Variants in GRM5 observed in about 807,000 individuals in gnomAD.
GRM5 encodes metabotropic glutamate receptor 5.
In GRM5, 19 loss-of-function variants were observed where a neutral mutation model predicts 83.1. That is an observed-to-expected ratio of 0.23 (90% CI 0.16 to 0.34). The LOEUF (loss-of-function observed/expected upper bound fraction) is 0.34, where lower values mean the gene tolerates loss of function less well. Among genes scored for constraint, GRM5 ranks in the 10% least tolerant of loss-of-function variants. GRM5 has a pLI of 1.00. For missense variants in GRM5, 1,160 were observed against 1,588.3 expected (o/e 0.73, Z 4.58); for synonymous variants, 675 against 633.6 (o/e 1.07, Z -0.98).
At chr11:88,816,393 G>C (rs1943682603) in intron 3 of GRM5, among the ~76,000 whole-genome samples, 1 of 151,014 alleles carries the variant, frequency 6.6e-6, no homozygotes, top group South Asian at 2.1e-4. Context: ...ACAAAAATTA[G>C]CCAGACATGG....
At chr11:89,027,157 G>T (rs544182227) in intron 2 of GRM5, among the ~76,000 whole-genome samples, 2 of 151,398 alleles carry the variant, frequency 1.3e-5, no homozygotes, top group African/African-American at 4.9e-5. Flanking sequence ...GTGCAGTGGC[G>T]CAATCTCGGC....
chr11:88,914,357 C>A (rs1508673), intron 2 of GRM5, among the ~76,000 whole-genome samples: 16,177 of 152,158 alleles, frequency 0.11, 1,364 homozygotes, highest in African/African-American at 0.21. Context: ...TAGTAGTGAC[C>A]AATCACATCA....
intron 2 of GRM5, among the ~76,000 whole-genome samples, chr11:88,944,448 G>T (rs1326302723): frequency 6.6e-6 from 1 of 151,796 alleles, no homozygotes; most frequent in East Asian, 1.9e-4. Context: ...ATAGTAAAAT[G>T]ATTACTATAG....
chr11:88,970,102 T>A (rs1227490742), intron 2 of GRM5, among the ~76,000 whole-genome samples: 1 of 152,168 alleles, frequency 6.6e-6, no homozygotes, highest in Non-Finnish European at 1.5e-5. Flanking sequence ...TATAATATAC[T>A]ATGCATAACT....
intron 3 of GRM5, among the ~76,000 whole-genome samples, chr11:88,807,619 G>C (rs1363378764): frequency 6.6e-6 from 1 of 152,062 alleles, no homozygotes; most frequent in Non-Finnish European, 1.5e-5. Context: ...ATCTTTTTGA[G>C]AAACCTTCTA....
chr11:88,754,733 A>G (rs756828080), intron 3 of GRM5, among the ~76,000 whole-genome samples: 6 of 152,056 alleles, frequency 3.9e-5, no homozygotes, highest in Non-Finnish European at 7.4e-5. Context: ...CATATTAACT[A>G]TCATCATCAT....
chr11:88,556,300 C>G (rs553297632), intron 8 of GRM5, among the ~76,000 whole-genome samples: 3 of 150,752 alleles, frequency 2.0e-5, no homozygotes, highest in East Asian at 3.9e-4. Context: ...TGGATATGAA[C>G]TGTGGGACAC....
intron 2 of GRM5, among the ~76,000 whole-genome samples, chr11:88,938,127 G>A (rs1937961884): frequency 6.6e-6 from 1 of 151,626 alleles, no homozygotes; most frequent in South Asian, 2.1e-4. Flanking sequence ...TTCACAATGT[G>A]TACATATATC....
At chr11:89,039,445 C>T (rs931928926) in intron 2 of GRM5, among the ~76,000 whole-genome samples, 2 of 151,996 alleles carry the variant, frequency 1.3e-5, no homozygotes, top group African/African-American at 4.8e-5. Context: ...AAGTGATTGT[C>T]CATTGCAGGT....
At chr11:88,716,341 G>C (rs1293363431) in intron 3 of GRM5, among the ~76,000 whole-genome samples, 1 of 151,882 alleles carries the variant, frequency 6.6e-6, no homozygotes, top group East Asian at 1.9e-4. Context: ...GTGAATTTTT[G>C]CTTAAGCGAT....
intron 2 of GRM5, among the ~76,000 whole-genome samples, chr11:88,903,383 A>C (rs1945348964): frequency 6.6e-6 from 1 of 152,224 alleles, no homozygotes; most frequent in Admixed American, 6.5e-5. Flanking sequence ...TGATTCAGCA[A>C]TCCCACTACT....
rs187185410 is a variant in GRM5 at position 88,790,979 on chromosome 11, A to G, written c.911+58927T>C. On this transcript the variant is annotated intron_variant, in intron 3 of 9. Coordinates refer to ENST00000305447, the MANE Select transcript of GRM5 (RefSeq NM_001143831.3). ...TCACTGGCAGCAATGTGGAAGATGA[A>G]TTGCAAGCACAGGAGAGGAAATGGA... Among the ~76,000 whole-genome samples the G allele has an allele frequency of 1.3e-4, 20 of 152,350 alleles. No individual in the cohort carries two copies. The East Asian group carries it at 3.5e-3, about 26-fold the overall frequency.
intron 3 of GRM5, among the ~76,000 whole-genome samples, chr11:88,680,355 A>G (rs1253466827): frequency 1.3e-5 from 2 of 151,980 alleles, no homozygotes; most frequent in African/African-American, 4.8e-5. Flanking sequence ...TGTCCTTGCA[A>G]TAGTTTGCTG....
intron 8 of GRM5, among the ~76,000 whole-genome samples, chr11:88,541,400 A>C (rs1241071142): frequency 3.3e-5 from 5 of 152,236 alleles, no homozygotes; most frequent in African/African-American, 1.2e-4. Flanking sequence ...AAGTAGTATC[A>C]TCTGTATACA....
intron 3 of GRM5, among the ~76,000 whole-genome samples, chr11:88,685,058 C>T (rs1391924491): frequency 2.0e-5 from 3 of 152,106 alleles, no homozygotes; most frequent in Non-Finnish European, 4.4e-5. Flanking sequence ...AAAGTTCGAA[C>T]AGTTTGGAGG....
chr11:88,992,895 G>A (rs1940032188), intron 2 of GRM5, among the ~76,000 whole-genome samples: 2 of 151,498 alleles, frequency 1.3e-5, no homozygotes, highest in South Asian at 4.2e-4. Context: ...AGGGATAGCA[G>A]TAGAAGATAT....
intron 2 of GRM5, among the ~76,000 whole-genome samples, chr11:88,902,655 T>C (rs601882): frequency 0.49 from 74,332 of 151,560 alleles, 19,402 homozygotes; most frequent in South Asian, 0.65. Flanking sequence ...AATAAATATG[T>C]GTGAAAATAA....
chr11:88,734,737 G>A lies in GRM5; in HGVS notation c.912-81334C>T, dbSNP rs183198750. ...ACAGATGCTAGTGACAAAATTCTGT[G>A]TATCATTTTTCTTCAAAATATAACA... On this transcript the variant is annotated intron_variant, in intron 3 of 9. Transcript: ENST00000305447. Among the ~76,000 whole-genome samples the A allele has an allele frequency of 1.8e-4, 28 of 152,048 alleles. No homozygotes were observed. The East Asian group carries it at 5.4e-3, about 29-fold the overall frequency.
At chr11:88,564,389 G>C (rs1942826949) in intron 8 of GRM5, among the ~76,000 whole-genome samples, 1 of 152,116 alleles carries the variant, frequency 6.6e-6, no homozygotes, top group Non-Finnish European at 1.5e-5. Flanking sequence ...TGTTGCTTTT[G>C]TTTGTCCCTT....
Sources: allele counts gnomAD v4.1 joint callset (sites outside exome capture counted in the v4.1 genomes callset), GRCh38; gene constraint gnomAD v4.1.1; transcripts MANE v1.5; gene names NCBI Gene and HGNC (gene_info 2026-07-23, HGNC 2026-07-21).